The following KLHL32 variants were observed in gnomAD, a reference collection of about 807,000 sequenced individuals.
KLHL32 encodes kelch-like protein 32.
KLHL32 carries 35 observed loss-of-function variants against 64.8 expected under a neutral mutation model. The observed-to-expected ratio is 0.54, with a 90% CI of 0.41 to 0.72. The LOEUF (loss-of-function observed/expected upper bound fraction) is 0.72. KLHL32 is among the 30% of genes least tolerant of loss of function. The probability of loss-of-function intolerance (pLI) is 0.00; values close to 1 mark genes in which losing one functional copy is unlikely to be tolerated. For missense variants in KLHL32, 589 were observed against 768.5 expected, an observed-to-expected ratio of 0.77 and a Z score of 2.76; for synonymous variants, 259 against 281.0, an observed-to-expected ratio of 0.92 and a Z score of 0.78.
chr6:97,081,045 C>G (rs1365183698), intron 5 of KLHL32, among the ~76,000 whole-genome samples: 1 of 152,042 alleles, frequency 6.6e-6, no homozygotes, highest in Non-Finnish European at 1.5e-5. Flanking sequence ...ATGGTGAGGC[C>G]AACAGATCAG....
At chr6:97,045,908 G>A (rs1188766088) in intron 4 of KLHL32, among the ~76,000 whole-genome samples, 1 of 152,140 alleles carries the variant, frequency 6.6e-6, no homozygotes, top group Non-Finnish European at 1.5e-5. Context: ...TGCCTTAGGT[G>A]CTTAAATTCT....
At chr6:97,005,907 T>C (rs896636221) in intron 3 of KLHL32, among the ~76,000 whole-genome samples, 1 of 152,160 alleles carries the variant, frequency 6.6e-6, no homozygotes, top group Admixed American at 6.6e-5. Flanking sequence ...TGGCTAAATG[T>C]GTGCTTGATT....
At chr6:96,966,908 A>G in intron 1 of KLHL32, 88 bp from the exon 2 acceptor site, 1 of 627,512 alleles carries the variant, frequency 1.6e-6, no homozygotes. Flanking sequence ...GTCTCCCTGG[A>G]ATTCAGAAAC....
intron 6 of KLHL32, among the ~76,000 whole-genome samples, chr6:97,090,238 G>C: frequency 6.6e-6 from 1 of 152,126 alleles, no homozygotes; most frequent in Admixed American, 6.5e-5. Flanking sequence ...CATTAGGCTG[G>C]ATTTATTCTA....
At chr6:97,055,073 G>A (rs1401804066) in intron 4 of KLHL32, among the ~76,000 whole-genome samples, 2 of 152,136 alleles carry the variant, frequency 1.3e-5, no homozygotes, top group South Asian at 2.1e-4. Context: ...TCAAATCCAT[G>A]ACCCCAAATC....
chr6:97,111,038 G>C (rs58452727), intron 6 of KLHL32, among the ~76,000 whole-genome samples: 21 of 152,074 alleles, frequency 1.4e-4, no homozygotes, highest in African/African-American at 4.3e-4. Flanking sequence ...CTTGGGGGGG[G>C]GGGGTCTTAG....
chr6:97,055,796 T>TA (rs750242567), intron 4 of KLHL32, among the ~76,000 whole-genome samples: 985 of 80,948 alleles, frequency 0.012, 90 homozygotes, highest in East Asian at 0.019. Flanking sequence ...AGAACCTGTC[T>TA]AAAAAAAAAA....
At position 97,139,320 on chromosome 6, in the gene KLHL32, C is replaced by G. The variant is rs778147212; in HGVS notation, c.*38C>G. The G allele has an allele frequency of 6.4e-7, 1 of 1,568,036 alleles. No homozygotes were observed. The highest frequency in any genetic ancestry group is 8.7e-7 in the Non-Finnish European group (1 of 1,146,020). On this transcript the variant is annotated 3_prime_UTR_variant, in exon 11 of 11. Transcript: ENST00000369261. ...TCATGAACAGGAGGAAAACATAGCT[C>G]TGACTGTTGGATACTGGGCATGAAA...
the KLHL32 span, among the ~76,000 whole-genome samples, chr6:96,906,727 A>T: frequency 1.3e-4 from 20 of 152,200 alleles, 1 homozygote; most frequent in Admixed American, 1.2e-3. Flanking sequence ...AAATAGTGGG[A>T]TTTGAGATTC....
At chr6:96,936,256 G>A (rs1223091601) in intron 1 of KLHL32, among the ~76,000 whole-genome samples, 1 of 152,130 alleles carries the variant, frequency 6.6e-6, no homozygotes, top group Non-Finnish European at 1.5e-5. Flanking sequence ...CATTTTGCAT[G>A]GCCGTTCATT....
intron 7 of KLHL32, among the ~76,000 whole-genome samples, chr6:97,124,049 G>C (rs77508215): frequency 4.7e-4 from 72 of 152,304 alleles, no homozygotes; most frequent in African/African-American, 1.7e-3. Flanking sequence ...CTGCAAATGA[G>C]TAACACTGCT....
At chr6:97,081,250 T>G (rs774860821) in intron 5 of KLHL32, among the ~76,000 whole-genome samples, 2 of 152,096 alleles carry the variant, frequency 1.3e-5, no homozygotes, top group Admixed American at 6.5e-5. Flanking sequence ...GGCTTATGAT[T>G]GGCTAGTTTG....
Position 96,983,937 on chromosome 6 carries a change from G to T in KLHL32, c.204+7760G>T, listed in dbSNP as rs186109511. On this transcript the variant is annotated intron_variant, in intron 3 of 10. Coordinates refer to ENST00000369261, the MANE Select transcript of KLHL32 (RefSeq NM_052904.4). ...CTTCTGCTAGCTTTTGAATGTGTTT[G>T]CTCTTGCTTCTCTAGTTCTTTTAAT... Among the ~76,000 whole-genome samples, 98 of 152,066 alleles carry T rather than the reference G, an allele frequency of 6.4e-4. 1 individual carries two copies. Among genetic ancestry groups the T allele is most frequent in the Middle Eastern group, 6.8e-3 (2 of 294 alleles).
intron 3 of KLHL32, among the ~76,000 whole-genome samples, chr6:96,996,074 G>C (rs1778389785): frequency 6.6e-6 from 1 of 152,178 alleles, no homozygotes; most frequent in African/African-American, 2.4e-5. Context: ...CTCTGACAGT[G>C]GGTACACATA....
At chr6:97,110,903 G>A (rs1320398347) in intron 6 of KLHL32, among the ~76,000 whole-genome samples, 2 of 152,062 alleles carry the variant, frequency 1.3e-5, no homozygotes, top group African/African-American at 4.8e-5. Context: ...CTGATTGCTG[G>A]GCCAAATGCT....
intron 1 of KLHL32, among the ~76,000 whole-genome samples, chr6:96,934,447 T>TAAC (rs146057544): frequency 0.021 from 3,152 of 149,502 alleles, 118 homozygotes; most frequent in African/African-American, 0.073. Flanking sequence ...CATTGACACT[T>TAAC]AACAACAACA....
chr6:96,910,613 T>A, the KLHL32 span, among the ~76,000 whole-genome samples: 1,524 of 152,318 alleles, frequency 0.01, 73 homozygotes, highest in Admixed American at 0.093. Flanking sequence ...TTTCTGAGAA[T>A]AAAATACAAG....
chr6:97,039,148 G>A (rs1784741007), intron 3 of KLHL32, among the ~76,000 whole-genome samples: 1 of 151,404 alleles, frequency 6.6e-6, no homozygotes, highest in African/African-American at 2.4e-5. Flanking sequence ...GTGCTCATCA[G>A]TGAATGAATG....
intron 10 of KLHL32, among the ~76,000 whole-genome samples, chr6:97,135,264 C>T (rs1799861862): frequency 1.3e-5 from 2 of 151,462 alleles, no homozygotes; most frequent in African/African-American, 4.9e-5. Context: ...CTTTGGCTGG[C>T]ACACTGGTCC....
Sources: gnomAD v4.1 joint callset for allele counts (sites outside exome capture counted in the v4.1 genomes callset) on GRCh38, gnomAD v4.1.1 for gene constraint, MANE v1.5 for transcripts, NCBI Gene and HGNC (gene_info 2026-07-23, HGNC 2026-07-21) for gene names.